Variants in PTGR1 observed in about 807,000 individuals in gnomAD.
PTGR1 encodes the protein 15-oxoprostaglandin 13-reductase.
A neutral mutation model predicts 37.7 loss-of-function variants in PTGR1; 23 were observed. The observed-to-expected ratio is 0.61, with a 90% CI of 0.44 to 0.86. The LOEUF is 0.86. Among genes scored for constraint, PTGR1 ranks in the 40% least tolerant of loss-of-function variants. The probability of loss-of-function intolerance (pLI) is 0.00; values close to 1 mark genes in which losing one functional copy is unlikely to be tolerated. For missense variants in PTGR1, 351 were observed against 394.3 expected, an observed-to-expected ratio of 0.89 and a Z score of 0.93; for synonymous variants, 134 against 140.0, an observed-to-expected ratio of 0.96 and a Z score of 0.30.
intron 4 of PTGR1, among the ~76,000 whole-genome samples, chr9:111,587,608 C>T (rs7032190): frequency 0.38 from 57,486 of 151,646 alleles, 11,591 homozygotes; most frequent in African/African-American, 0.52. Flanking sequence ...CGTGCCACTA[C>T]GCCCAGCTAA....
chr9:111,560,960 TATATATATATATATAGAGAGAGAG>T (rs1213725409), downstream of PTGR1, among the ~76,000 whole-genome samples: 4 of 44,190 alleles, frequency 9.1e-5, no homozygotes, highest in East Asian at 1.2e-3. Context: ...TATATATATA[TATATATATATATATAGAGAGAGAG>T]AGAGAGAGAG....
intron 4 of PTGR1, among the ~76,000 whole-genome samples, chr9:111,590,879 A>T (rs1829590295): frequency 6.6e-6 from 1 of 152,256 alleles, no homozygotes; most frequent in African/African-American, 2.4e-5. Flanking sequence ...GTAGTAGATT[A>T]GTTAAAAATA....
At chr9:111,564,304 ATTATTATT>A in intron 9 of PTGR1, 2 of 635,814 alleles carry the variant, frequency 3.1e-6, no homozygotes, top group Non-Finnish European at 4.1e-6. Context: ...TATTATTATT[ATTATTATT>A]ATTATTATTC....
At chr9:111,551,653 C>T (rs1444306254) in intron 9 of PTGR1, among the ~76,000 whole-genome samples, 3 of 152,062 alleles carry the variant, frequency 2.0e-5, no homozygotes, top group South Asian at 2.1e-4. Flanking sequence ...CTGCCTGTCT[C>T]GGCCTCCCAA....
chr9:111,578,699 T>C, intron 7 of PTGR1, 97 bp downstream of exon 7: 1 of 1,097,264 alleles, frequency 9.1e-7, no homozygotes, highest in East Asian at 2.6e-5. Context: ...CCTGATAGGC[T>C]ATGGACCACT....
At chr9:111,589,417 G>A (rs1488099855) in intron 4 of PTGR1, 7 of 879,508 alleles carry the variant, frequency 8.0e-6, no homozygotes, top group Non-Finnish European at 9.5e-6. Context: ...AAAAAATAAA[G>A]AATGAGATGT....
rs573558199 is a variant in PTGR1, at chr9:111,592,578, T to G, written c.209+348A>C. 3.7e-5 allele frequency: 7 copies of G among 190,668 alleles called. No homozygotes were observed. The South Asian group carries it at 9.6e-4, about 26-fold the overall frequency. The allele number at this position is 190,668 out of a possible 1,614,324, so 11.8% of individuals were successfully genotyped here. ...CTTTCACTATCTTGTGTGTGTCTAT[T>G]ATTTCTCAACCTGCCGATCCACCTG... On this transcript the variant is annotated intron_variant, in intron 4 of 9. Coordinates refer to ENST00000407693, the MANE Select transcript of PTGR1 (RefSeq NM_001146108.2).
intron 4 of PTGR1, among the ~76,000 whole-genome samples, chr9:111,591,016 G>A (rs1226951516): frequency 6.6e-6 from 1 of 152,126 alleles, no homozygotes; most frequent in East Asian, 1.9e-4. Context: ...TATAGGCCGG[G>A]CACGGTGGCT....
chr9:111,578,700 A>G, intron 7 of PTGR1, 96 bp downstream of exon 7: 1 of 1,120,400 alleles, frequency 8.9e-7, no homozygotes, highest in Non-Finnish European at 1.2e-6. Flanking sequence ...CTGATAGGCT[A>G]TGGACCACTA....
At chr9:111,563,287 C>G (rs1828393388) in intron 9 of PTGR1, 56 bp from the exon 10 acceptor site, 13 of 1,484,162 alleles carry the variant, frequency 8.8e-6, no homozygotes, top group Non-Finnish European at 1.2e-5. Context: ...CAATGATATA[C>G]TGTTCTCATC....
At position 111,574,818 on chromosome 9, in the gene PTGR1, CAG is replaced by C; in HGVS notation, c.674_675del (p.Thr225SerfsTer21). On this transcript the variant is annotated frameshift_variant, in exon 8 of 10. Transcript: ENST00000407693. LOFTEE classifies it high-confidence loss of function. Reference protein sequence around the residue: ...FDNVGGEFSNTVIGQMKKFGR... With the variant: ...FDNVGGEFSNXVIGQMKKFGR... The stretch of plus-strand genomic sequence containing the variant: ...CCAAATTTCTTCATCTGGCCGATAA[CAG>C]TGTTTGAAAACTCTCCACCTACCTA... 1 of 1,613,704 alleles carries C rather than the reference CAG, an allele frequency of 6.2e-7. No homozygotes were observed. Among genetic ancestry groups the C allele is most frequent in the Middle Eastern group, 1.7e-4 (1 of 6,056 alleles).
Position 111,562,835 on chromosome 9 carries a change from GA to G in PTGR1, c.*285del. The G allele has an allele frequency of 4.4e-6, 3 of 676,004 alleles. No individual in the cohort carries two copies. The highest frequency in any genetic ancestry group is 7.7e-5 in the South Asian group (2 of 25,994). The allele number at this position is 676,004 out of a possible 1,614,324, so 41.9% of individuals were successfully genotyped here. On this transcript the variant is annotated 3_prime_UTR_variant, in exon 10 of 10. Transcript: ENST00000407693. ...CATTGTTCAGCTCCCACTTATGAAT[GA>G]AAACATACAGTGTTTGGAAAATTTT...
intron 2 of PTGR1, among the ~76,000 whole-genome samples, chr9:111,596,350 C>T (rs1049438465): frequency 2.6e-5 from 4 of 152,156 alleles, no homozygotes; most frequent in African/African-American, 9.7e-5. Flanking sequence ...CATGGTGGCT[C>T]ACACCTTTAA....
At chr9:111,552,732 A>C (rs1291776355) in intron 9 of PTGR1, among the ~76,000 whole-genome samples, 1 of 152,208 alleles carries the variant, frequency 6.6e-6, no homozygotes, top group Non-Finnish European at 1.5e-5. Flanking sequence ...CAAACAGTTC[A>C]TCTAAGGCTA....
At chr9:111,558,744 T>C (rs955409796), downstream of PTGR1, among the ~76,000 whole-genome samples, 12 of 152,226 alleles carry the variant, frequency 7.9e-5, no homozygotes, top group African/African-American at 2.2e-4. Flanking sequence ...GTACATATGA[T>C]ATATACACAC....
intron 6 of PTGR1, among the ~76,000 whole-genome samples, chr9:111,580,144 TATTA>T (rs1441752402): frequency 1.2e-4 from 18 of 152,204 alleles, no homozygotes; most frequent in African/African-American, 4.3e-4. Context: ...TTATGCAGAT[TATTA>T]ATTAATCTAT....
intron 9 of PTGR1, among the ~76,000 whole-genome samples, chr9:111,565,504 C>G (rs1459257963): frequency 6.6e-6 from 1 of 152,084 alleles, no homozygotes; most frequent in African/African-American, 2.4e-5. Context: ...CCCAATTTTC[C>G]TATAAATCTA....
In PTGR1 at chr9:111,586,108, T is replaced by C. The variant is rs144740088; in HGVS notation, c.267A>G (p.Pro89=). 9.9e-6 allele frequency: 16 copies of C among 1,614,108 alleles called. No homozygotes were observed. The African/African-American group carries it at 1.9e-4, about 19-fold the overall frequency. The change falls in exon 5 of 10, where the codon CCA becomes CCG. Residue 89 remains proline, a synonymous_variant. Transcript: ENST00000407693. ...LPKGTIVLAS[P]GWTTHSISDG... ...CAGAAATGGAGTGCGTTGTCCAGCCTGGAGAAGCCAGTACAATAGTTCCTT... is the reference window on the plus strand; with the variant it reads ...CAGAAATGGAGTGCGTTGTCCAGCCCGGAGAAGCCAGTACAATAGTTCCTT...
intron 2 of PTGR1, among the ~76,000 whole-genome samples, chr9:111,595,647 T>A (rs1003377238): frequency 1.6e-4 from 25 of 152,282 alleles, no homozygotes; most frequent in Non-Finnish European, 2.8e-4. Context: ...TTATTTATTT[T>A]TTTTGAGATG....
Sources: gnomAD v4.1 joint callset for allele counts (sites outside exome capture counted in the v4.1 genomes callset) on GRCh38, gnomAD v4.1.1 for gene constraint, MANE v1.5 for transcripts, NCBI Gene and HGNC (gene_info 2026-07-23, HGNC 2026-07-21) for gene names.